The following ABCA13 variants were observed in gnomAD, a reference collection of about 807,000 sequenced individuals.
ABCA13 encodes ATP binding cassette subfamily A member 13, also known as ATP-binding cassette sub-family A member 13.
ABCA13 carries 476 observed loss-of-function variants against 478.7 expected under a neutral mutation model. That is an observed-to-expected ratio of 0.99 (90% CI 0.92 to 1.07). The LOEUF is 1.07. Among genes scored for constraint, ABCA13 ranks in the 50% least tolerant of loss-of-function variants. ABCA13 has a pLI of 0.00. For synonymous variants in ABCA13, 2,252 were observed against 2,158.9 expected (o/e 1.04, Z -1.20); for missense variants, 6,060 against 5,910.6 (o/e 1.03, Z -0.83).
chr7:48,444,439 G>A (rs928952569), intron 42 of ABCA13, among the ~76,000 whole-genome samples: 1 of 152,106 alleles, frequency 6.6e-6, no homozygotes, highest in Admixed American at 6.5e-5. Flanking sequence ...AGTTTCAAAA[G>A]GCATCATCCT....
intron 35 of ABCA13, among the ~76,000 whole-genome samples, chr7:48,379,973 G>A (rs1411212309): frequency 6.6e-6 from 1 of 152,136 alleles, no homozygotes; most frequent in Non-Finnish European, 1.5e-5. Context: ...TAAAGACGTT[G>A]GAGATCTATT....
At chr7:48,241,097 T>C in intron 10 of ABCA13, 31 bp downstream of exon 10, 1 of 1,610,628 alleles carries the variant, frequency 6.2e-7, no homozygotes, top group Non-Finnish European at 8.5e-7. Flanking sequence ...TGATTATTGA[T>C]TAGGTAGATG....
chr7:48,609,745 G>T (rs2131534986), intron 58 of ABCA13, among the ~76,000 whole-genome samples: 1 of 152,086 alleles, frequency 6.6e-6, no homozygotes, highest in South Asian at 2.1e-4. Flanking sequence ...TTTATTTTTT[G>T]AAGCTAGCAC....
At chr7:48,587,815 G>T (rs1789336053) in intron 57 of ABCA13, among the ~76,000 whole-genome samples, 1 of 152,192 alleles carries the variant, frequency 6.6e-6, no homozygotes, top group Non-Finnish European at 1.5e-5. Flanking sequence ...CAGTTAATTT[G>T]ATTTGAATGA....
At chr7:48,240,792 A>T (rs753244293) in intron 9 of ABCA13, 75 bp from the exon 10 acceptor site, 6 of 1,254,458 alleles carry the variant, frequency 4.8e-6, no homozygotes, top group Non-Finnish European at 6.3e-6. Context: ...GTGGTATGTT[A>T]ATATTTCTTA....
intron 55 of ABCA13, among the ~76,000 whole-genome samples, chr7:48,546,979 A>G (rs1784873534): frequency 6.6e-6 from 1 of 151,766 alleles, no homozygotes; most frequent in Non-Finnish European, 1.5e-5. Flanking sequence ...CAATTTAACA[A>G]TACTAACCTA....
intron 57 of ABCA13, among the ~76,000 whole-genome samples, chr7:48,588,764 G>A (rs987076983): frequency 4.6e-5 from 7 of 152,310 alleles, no homozygotes; most frequent in African/African-American, 1.4e-4. Flanking sequence ...TCGTGACTAT[G>A]ATGATGGTTA....
At chr7:48,624,638 C>T (rs1461340951) in intron 59 of ABCA13, among the ~76,000 whole-genome samples, 1 of 151,898 alleles carries the variant, frequency 6.6e-6, no homozygotes, top group Non-Finnish European at 1.5e-5. Context: ...TCACTGCAAC[C>T]TCTCTGTCCC....
intron 57 of ABCA13, among the ~76,000 whole-genome samples, chr7:48,590,271 T>G (rs1485503733): frequency 3.9e-5 from 4 of 103,296 alleles, no homozygotes; most frequent in African/African-American, 1.8e-4. Flanking sequence ...TAATATTTCA[T>G]TACACACACA....
intron 24 of ABCA13, 100 bp from the exon 25 acceptor site, chr7:48,312,967 A>G: frequency 7.8e-7 from 1 of 1,277,648 alleles, no homozygotes; most frequent in Non-Finnish European, 1.0e-6. Context: ...AGAGAGAATA[A>G]AATCAGATAA....
intron 7 of ABCA13, among the ~76,000 whole-genome samples, chr7:48,231,848 G>A (rs975490724): frequency 6.6e-6 from 1 of 152,056 alleles, no homozygotes; most frequent in South Asian, 2.1e-4. Context: ...TTTTAGTAGA[G>A]ACATGGTTTC....
intron 32 of ABCA13, among the ~76,000 whole-genome samples, chr7:48,368,258 CCTG>C (rs1217943017): frequency 1.3e-5 from 2 of 151,960 alleles, no homozygotes; most frequent in Non-Finnish European, 2.9e-5. Context: ...ATGTAGAGAC[CCTG>C]CTATTTTTTT....
chr7:48,619,544 T>A (rs761149260), intron 59 of ABCA13, among the ~76,000 whole-genome samples: 2 of 152,148 alleles, frequency 1.3e-5, no homozygotes, highest in Non-Finnish European at 2.9e-5. Context: ...CATGCAGAGG[T>A]AGGTCTGATG....
chr7:48,400,361 T>A (rs1256827480), intron 38 of ABCA13, among the ~76,000 whole-genome samples: 1 of 152,240 alleles, frequency 6.6e-6, no homozygotes, highest in East Asian at 1.9e-4. Context: ...AAGAGCAGCA[T>A]CTGAAACACA....
chr7:48,279,095 T>C lies in ABCA13; in HGVS notation c.7901T>C (p.Ile2634Thr), dbSNP rs994843372. ...YMNQSKDFSDILEEIAEFLTS... is the reference protein window; with the variant it reads ...YMNQSKDFSDTLEEIAEFLTS... ...AACCAATCTAAGGACTTTTCTGATATTTTGGAAGAAATTGCTGAATTTTTA... is the reference window on the plus strand; with the variant it reads ...AACCAATCTAAGGACTTTTCTGATACTTTGGAAGAAATTGCTGAATTTTTA... The change falls in exon 18 of 62, where the codon ATT becomes ACT. Residue 2634 changes from isoleucine (I) to threonine (T), a missense_variant. By Grantham distance (89) the Ile-to-Thr change is moderately conservative. This residue lies in a region of ABCA13 where 4,423 missense variants were observed against 4,309.1 expected (regional missense o/e 1.03). Transcript: ENST00000435803. 6.8e-6 allele frequency: 11 copies of C among 1,612,082 alleles called. No homozygotes were observed. Among genetic ancestry groups the C allele is most frequent in the Non-Finnish European group, 9.3e-6 (11 of 1,179,530 alleles).
At chr7:48,413,779 CAT>C (rs1819582840) in intron 41 of ABCA13, among the ~76,000 whole-genome samples, 1 of 152,146 alleles carries the variant, frequency 6.6e-6, no homozygotes, top group South Asian at 2.1e-4. Flanking sequence ...GATTGTGAAA[CAT>C]AAAAAATATT....
At chr7:48,356,198 G>A (rs1272992552) in intron 31 of ABCA13, among the ~76,000 whole-genome samples, 2 of 151,818 alleles carry the variant, frequency 1.3e-5, no homozygotes, top group Non-Finnish European at 2.9e-5. Flanking sequence ...GGTAAAGACA[G>A]ATAATCGACC....
chr7:48,200,202 T>C (rs2128916049), intron 3 of ABCA13, among the ~76,000 whole-genome samples: 1 of 152,026 alleles, frequency 6.6e-6, no homozygotes, highest in East Asian at 1.9e-4. Context: ...CAGTCTGTAC[T>C]AAAAATACCA....
At chr7:48,363,503 T>G (rs1042915590) in intron 31 of ABCA13, among the ~76,000 whole-genome samples, 1 of 151,630 alleles carries the variant, frequency 6.6e-6, no homozygotes, top group Non-Finnish European at 1.5e-5. Flanking sequence ...ATGGAGACTC[T>G]TGATGTATTC....
Sources: allele counts gnomAD v4.1 joint callset (sites outside exome capture counted in the v4.1 genomes callset), GRCh38; gene constraint gnomAD v4.1.1; regional missense constraint gnomAD v4.1.1; transcripts MANE v1.5; gene names NCBI Gene and HGNC (gene_info 2026-07-23, HGNC 2026-07-21).